Variants in RAP1GAP2 observed in about 807,000 individuals in gnomAD.
RAP1GAP2 encodes the protein rap1 GTPase-activating protein 2.
In RAP1GAP2, 27 loss-of-function variants were observed where a neutral mutation model predicts 95.0. That is an observed-to-expected ratio of 0.28 (90% confidence interval 0.21 to 0.39). The LOEUF is 0.39. RAP1GAP2 is among the 10% of genes least tolerant of loss of function. The pLI, the probability that RAP1GAP2 is intolerant of heterozygous loss-of-function variation, is 1.00. For missense variants in RAP1GAP2, 771 were observed against 970.0 expected (o/e 0.79, Z 2.72); for synonymous variants, 373 against 380.9 (o/e 0.98, Z 0.24).
At position 3,034,977 on chromosome 17, in the gene RAP1GAP2, CT is replaced by C. The variant is rs542603792; in HGVS notation, c.*1633del. ...CTGTGCCCAAGATATAAATACTACA[CT>C]TTTTTTTTTTTTTTTTAACTGACAT... On this transcript the variant is annotated 3_prime_UTR_variant, in exon 25 of 25. Coordinates refer to ENST00000254695, the MANE Select transcript of RAP1GAP2 (RefSeq NM_015085.5). The surrounding 1 kb of genome is among the most constrained non-coding windows in gnomAD (Gnocchi z 5.1). 4,360 of 138,478 alleles carry C rather than the reference CT, an allele frequency of 0.031. 137 individuals carry two copies. Among genetic ancestry groups the C allele is most frequent in the East Asian group, 0.18 (851 of 4,686 alleles). The allele number at this position is 138,478 out of a possible 1,614,324, so 8.6% of individuals were successfully genotyped here.
At position 3,027,227 on chromosome 17, in the gene RAP1GAP2, C is replaced by T. The variant is rs936315564; in HGVS notation, c.2107+157C>T. Among the ~76,000 whole-genome samples, 3 of 152,240 alleles carry T rather than the reference C, an allele frequency of 2.0e-5. No homozygotes were observed. The South Asian group carries it at 6.2e-4, about 31-fold the overall frequency. On this transcript the variant is annotated intron_variant, in intron 22 of 24. Coordinates refer to ENST00000254695, the MANE Select transcript of RAP1GAP2 (RefSeq NM_015085.5). The surrounding 1 kb of genome is among the most constrained non-coding windows in gnomAD (Gnocchi z 5.2). ...CTGTGCGCCCGCCTCTTCTGTTCAT[C>T]AGCCTTAAGATGCCCAAGTTCCTAA...
chr17:2,807,735 A>C (rs993027293), intron 2 of RAP1GAP2, among the ~76,000 whole-genome samples: 5 of 151,884 alleles, frequency 3.3e-5, no homozygotes, highest in Non-Finnish European at 7.4e-5. Flanking sequence ...GTGGGAGTGC[A>C]GGGGGCTGGG....
At position 3,026,434 on chromosome 17, in the gene RAP1GAP2, G is replaced by A. The variant is rs754974126; in HGVS notation, c.1950G>A (p.Glu650=). ...STSSVSSTAG[E]GEAMEEGDSG... is the part of the protein sequence containing the mutation. ...GCAGCGTCAGCAGCACTGCAGGGGA[G>A]GGCGAGGCCATGGAGGAGGGCGACA... is the stretch of plus-strand genomic sequence containing the variant. Residue 650 remains glutamate, a synonymous_variant, in exon 21 of 25, where the codon GAG becomes GAA. Transcript: ENST00000254695. The A allele has an allele frequency of 1.3e-6, 2 of 1,552,436 alleles. No individual in the cohort carries two copies. Among genetic ancestry groups the A allele is most frequent in the South Asian group, 1.2e-5 (1 of 84,080 alleles).
intron 1 of RAP1GAP2, among the ~76,000 whole-genome samples, chr17:2,768,680 G>A (rs987353030): frequency 3.6e-5 from 4 of 110,018 alleles, no homozygotes; most frequent in Middle Eastern, 8.2e-3. Context: ...CAACAAGAGC[G>A]AAACTCTGTC....
At position 2,998,775 on chromosome 17, in the gene RAP1GAP2, G is replaced by C. The variant is rs535638954; in HGVS notation, c.1200+399G>C. Among the ~76,000 whole-genome samples the C allele has an allele frequency of 2.0e-5, 3 of 152,010 alleles. No homozygotes were observed. In the East Asian group the frequency reaches 5.8e-4, roughly 29 times the overall value. ...TGGTGATGCCATTTGCTCGCTGTGA[G>C]TGTAGTATTTGGAATTTGGTGATGC... On this transcript the variant is annotated intron_variant, in intron 14 of 24. Coordinates refer to ENST00000254695, the MANE Select transcript of RAP1GAP2 (RefSeq NM_015085.5).
chr17:3,028,513 C>T (rs764789200), intron 22 of RAP1GAP2, among the ~76,000 whole-genome samples: 66 of 152,296 alleles, frequency 4.3e-4, no homozygotes, highest in Admixed American at 2.4e-3. Flanking sequence ...GAAGGGCCAA[C>T]AGGCCTTCAG....
intron 2 of RAP1GAP2, among the ~76,000 whole-genome samples, chr17:2,881,695 C>T (rs1487289851): frequency 2.6e-5 from 4 of 152,222 alleles, no homozygotes; most frequent in Non-Finnish European, 5.9e-5. Flanking sequence ...TTTTGAGGAG[C>T]GTCCACACTT....
intron 3 of RAP1GAP2, among the ~76,000 whole-genome samples, chr17:2,908,321 C>T (rs936623564): frequency 6.6e-6 from 1 of 152,166 alleles, no homozygotes; most frequent in African/African-American, 2.4e-5. Context: ...GACGCTTGGA[C>T]ATTCTGCTGA....
chr17:2,896,186 C>G, intron 2 of RAP1GAP2, among the ~76,000 whole-genome samples: 1 of 152,174 alleles, frequency 6.6e-6, no homozygotes, highest in East Asian at 1.9e-4. Flanking sequence ...ATGTTTGGCA[C>G]TCGGGTCTTT....
chr17:2,927,315 G>C (rs1206448035), intron 3 of RAP1GAP2, among the ~76,000 whole-genome samples: 2 of 151,898 alleles, frequency 1.3e-5, no homozygotes, highest in Non-Finnish European at 2.9e-5. Context: ...CACCGCGCCC[G>C]GCTAATTTTT....
chr17:2,791,146 A>G (rs2068914260), intron 1 of RAP1GAP2, among the ~76,000 whole-genome samples: 1 of 152,250 alleles, frequency 6.6e-6, no homozygotes, highest in South Asian at 2.1e-4. Flanking sequence ...CGGAGGTTGC[A>G]GTGAGCTGAG....
At chr17:2,908,953 G>T (rs756723091) in intron 3 of RAP1GAP2, among the ~76,000 whole-genome samples, 2 of 152,078 alleles carry the variant, frequency 1.3e-5, no homozygotes, top group Non-Finnish European at 2.9e-5. Flanking sequence ...CCATCCTTCC[G>T]CCTTGACCTC....
At chr17:2,824,668 A>G (rs2070462916) in intron 2 of RAP1GAP2, among the ~76,000 whole-genome samples, 1 of 138,930 alleles carries the variant, frequency 7.2e-6, no homozygotes, top group South Asian at 2.5e-4. Flanking sequence ...TGAACCTGGG[A>G]GGCGGAGGTT....
chr17:2,767,425 A>G (rs2068298068), intron 1 of RAP1GAP2, among the ~76,000 whole-genome samples: 1 of 150,402 alleles, frequency 6.6e-6, no homozygotes, highest in Non-Finnish European at 1.5e-5. Context: ...GTGAGAAGAT[A>G]CGTTGTGAAA....
At chr17:2,977,227 CA>C (rs1241698311) in intron 8 of RAP1GAP2, among the ~76,000 whole-genome samples, 1 of 151,844 alleles carries the variant, frequency 6.6e-6, no homozygotes, top group African/African-American at 2.4e-5. Flanking sequence ...CAGAGAATAC[CA>C]AAAACAACTT....
chr17:2,852,876 G>T (rs1021866059), intron 2 of RAP1GAP2, among the ~76,000 whole-genome samples: 6 of 151,998 alleles, frequency 3.9e-5, no homozygotes, highest in Admixed American at 2.0e-4. Context: ...GAGCCGGCGC[G>T]ACCTTCCGAC....
At chr17:3,013,920 A>G (rs1308395240) in intron 17 of RAP1GAP2, among the ~76,000 whole-genome samples, 2 of 152,224 alleles carry the variant, frequency 1.3e-5, no homozygotes, top group African/African-American at 4.8e-5. Context: ...GAAGCTCATG[A>G]GACCAGATAC....
intron 12 of RAP1GAP2, among the ~76,000 whole-genome samples, chr17:2,994,692 G>T (rs1405357139): frequency 1.3e-5 from 2 of 152,236 alleles, no homozygotes; most frequent in South Asian, 4.1e-4. Context: ...CACCTTGGGG[G>T]AATGGCACCG....
At chr17:3,030,483 TGTC>T (rs1317151057) in intron 22 of RAP1GAP2, among the ~76,000 whole-genome samples, 1 of 152,162 alleles carries the variant, frequency 6.6e-6, no homozygotes, top group Non-Finnish European at 1.5e-5. Context: ...TAAATACACT[TGTC>T]GTGGCTGATC....
Sources: allele counts gnomAD v4.1 joint callset (sites outside exome capture counted in the v4.1 genomes callset), GRCh38; gene constraint gnomAD v4.1.1; non-coding constraint Gnocchi (gnomAD v3.1); transcripts MANE v1.5; gene names NCBI Gene and HGNC (gene_info 2026-07-23, HGNC 2026-07-21).